GBE1: variants seen among roughly 807,000 people sequenced by gnomAD.
The protein encoded by GBE1 is 1,4-alpha-glucan branching enzyme 1.
In GBE1, 70 loss-of-function variants were observed where a neutral mutation model predicts 88.8. That is an observed-to-expected ratio of 0.79 (90% CI 0.65 to 0.96). GBE1 has a LOEUF of 0.96. GBE1 is among the 40% of genes least tolerant of loss of function. The probability of loss-of-function intolerance (pLI) is 0.00; values close to 1 mark genes in which losing one functional copy is unlikely to be tolerated. For synonymous variants in GBE1, 284 were observed against 300.1 expected, an observed-to-expected ratio of 0.95 and a Z score of 0.56; for missense variants, 872 against 871.0, an observed-to-expected ratio of 1.00 and a Z score of -0.01.
intron 7 of GBE1, among the ~76,000 whole-genome samples, chr3:81,627,524 G>A (rs2107025807): frequency 6.6e-6 from 1 of 152,170 alleles, no homozygotes; most frequent in African/African-American, 2.4e-5. Flanking sequence ...TTTTAACACA[G>A]GGTGGGGAGT....
intron 9 of GBE1, among the ~76,000 whole-genome samples, chr3:81,588,208 G>A (rs1233185811): frequency 3.3e-5 from 5 of 151,498 alleles, no homozygotes; most frequent in Non-Finnish European, 7.4e-5. Context: ...TTTCTGCATA[G>A]TTCTTCATGG....
rs766097132 is a variant in GBE1, at chr3:81,723,258, TTTG to T, written c.144-17648_144-17646del. On this transcript the variant is annotated intron_variant, in intron 1 of 15. Transcript: ENST00000429644. ...ATCCTTGGTATTAAATAAAAGTTGT[TTTG>T]TTTTTTTTTTTTTGTATTTTTAGTA... 1.2e-3 allele frequency among the ~76,000 whole-genome samples: 150 copies of T among 129,110 alleles called. 2 individuals are homozygous for T. The highest frequency in any genetic ancestry group is 8.9e-3 in the East Asian group (36 of 4,040). 84.7% of individuals were successfully genotyped at this position (129,110 alleles called of 152,430 possible).
intron 14 of GBE1, among the ~76,000 whole-genome samples, chr3:81,526,282 C>T (rs1316888106): frequency 6.6e-6 from 1 of 152,046 alleles, no homozygotes; most frequent in Non-Finnish European, 1.5e-5. Context: ...TGGGCAAAAA[C>T]TAGAAGCATT....
chr3:81,732,662 T>C (rs2680257), intron 1 of GBE1, among the ~76,000 whole-genome samples: 95,970 of 151,964 alleles, frequency 0.63, 31,811 homozygotes, highest in East Asian at 0.94. Flanking sequence ...CTGATTCAAG[T>C]CACCATCATC....
At chr3:81,556,432 A>G (rs1443252135) in intron 12 of GBE1, among the ~76,000 whole-genome samples, 1 of 152,082 alleles carries the variant, frequency 6.6e-6, no homozygotes, top group Non-Finnish European at 1.5e-5. Context: ...ATGAATGTAT[A>G]AAAAGGAAAC....
At chr3:81,704,384 T>C (rs2107167242) in intron 2 of GBE1, among the ~76,000 whole-genome samples, 1 of 152,194 alleles carries the variant, frequency 6.6e-6, no homozygotes, top group East Asian at 1.9e-4. Flanking sequence ...TGTACAGTTC[T>C]ATAAATGTTG....
intron 6 of GBE1, among the ~76,000 whole-genome samples, chr3:81,643,790 T>C (rs1452994404): frequency 6.6e-6 from 1 of 152,152 alleles, no homozygotes; most frequent in Non-Finnish European, 1.5e-5. Flanking sequence ...AGTCTCCCAA[T>C]AGCCAACTCC....
At chr3:81,655,513 ATTGTTG>A (rs60326449) in intron 3 of GBE1, among the ~76,000 whole-genome samples, 11 of 151,550 alleles carry the variant, frequency 7.3e-5, no homozygotes, top group Admixed American at 4.6e-4. Context: ...TGTTTTTGTT[ATTGTTG>A]TTGTTGTTGT....
At chr3:81,623,262 T>C (rs1052869664) in intron 7 of GBE1, among the ~76,000 whole-genome samples, 2 of 152,190 alleles carry the variant, frequency 1.3e-5, no homozygotes, top group Admixed American at 6.6e-5. Flanking sequence ...CCAACCCCAC[T>C]GCCCCTGCAG....
In GBE1 at chr3:81,520,404, A is replaced by T. The variant is rs1408909456; in HGVS notation, c.1934+14791T>A. 2.0e-5 allele frequency among the ~76,000 whole-genome samples: 3 copies of T among 151,544 alleles called. No individual in the cohort carries two copies. In the East Asian group the frequency reaches 5.8e-4, roughly 29 times the overall value. On this transcript the variant is annotated intron_variant, in intron 14 of 15. Coordinates refer to ENST00000429644, the MANE Select transcript of GBE1 (RefSeq NM_000158.4). ...TGATTAGCAAATAGAAGGCCCACAA[A>T]AGAGGGGCCCTAATACTCACATTCT...
chr3:81,644,378 A>G (rs1398851147), intron 6 of GBE1, among the ~76,000 whole-genome samples: 3 of 152,210 alleles, frequency 2.0e-5, no homozygotes, highest in African/African-American at 7.2e-5. Flanking sequence ...AGTAAGAAGC[A>G]AGGCATAATA....
chr3:81,701,866 G>A (rs1404110939), intron 2 of GBE1, among the ~76,000 whole-genome samples: 1 of 151,592 alleles, frequency 6.6e-6, no homozygotes, highest in Non-Finnish European at 1.5e-5. Flanking sequence ...CAAAGTGCTA[G>A]GATTACAGAT....
chr3:81,554,995 CT>C (rs1271940074), intron 12 of GBE1, among the ~76,000 whole-genome samples: 2 of 152,202 alleles, frequency 1.3e-5, no homozygotes, highest in Non-Finnish European at 2.9e-5. Flanking sequence ...CTGCTATCAG[CT>C]CTTGCTTCCT....
chr3:81,654,301 A>C (rs900714750), intron 3 of GBE1, among the ~76,000 whole-genome samples: 1 of 151,968 alleles, frequency 6.6e-6, no homozygotes, highest in African/African-American at 2.4e-5. Context: ...TATAAAAAAC[A>C]GTAAATGTTG....
intron 2 of GBE1, among the ~76,000 whole-genome samples, chr3:81,674,470 A>G (rs987364988): frequency 6.6e-6 from 1 of 151,956 alleles, no homozygotes; most frequent in Admixed American, 6.6e-5. Context: ...GCAGGAACCA[A>G]TCATGGAAGC....
intron 14 of GBE1, among the ~76,000 whole-genome samples, chr3:81,507,346 C>T (rs2015553): frequency 0.22 from 33,678 of 151,922 alleles, 4,021 homozygotes; most frequent in East Asian, 0.43. Context: ...GGGCAGATCA[C>T]GAGGTCAGGA....
At chr3:81,583,939 T>C (rs1244751043) in intron 10 of GBE1, among the ~76,000 whole-genome samples, 2 of 152,082 alleles carry the variant, frequency 1.3e-5, no homozygotes, top group African/African-American at 4.8e-5. Flanking sequence ...CACTGTATTA[T>C]TTCTTACAGC....
At chr3:81,653,025 C>G (rs1320367037) in intron 3 of GBE1, among the ~76,000 whole-genome samples, 1 of 152,160 alleles carries the variant, frequency 6.6e-6, no homozygotes, top group Non-Finnish European at 1.5e-5. Flanking sequence ...CTTGATTGAT[C>G]TTTCAACAAT....
At position 81,736,315 on chromosome 3, in the gene GBE1, T is replaced by C. The variant is rs571838587; in HGVS notation, c.143+25060A>G. The stretch of plus-strand genomic sequence containing the variant: ...GAAACGTTAAGGGATCTCAACCACA[T>C]TGAAATGTTGGCCATTGCTGAACCC... On this transcript the variant is annotated intron_variant, in intron 1 of 15. Coordinates refer to ENST00000429644, the MANE Select transcript of GBE1 (RefSeq NM_000158.4). Among the ~76,000 whole-genome samples the C allele has an allele frequency of 9.8e-4, 150 of 152,316 alleles. 1 individual carries two copies. The highest frequency in any genetic ancestry group is 3.3e-3 in the South Asian group (16 of 4,830).
Sources: allele counts gnomAD v4.1 joint callset (sites outside exome capture counted in the v4.1 genomes callset), GRCh38; gene constraint gnomAD v4.1.1; transcripts MANE v1.5; gene names NCBI Gene and HGNC (gene_info 2026-07-23, HGNC 2026-07-21).